PCSK5: variants seen among roughly 807,000 people sequenced by gnomAD.
PCSK5 encodes proprotein convertase subtilisin/kexin type 5.
PCSK5 carries 129 observed loss-of-function variants against 233.2 expected under a neutral mutation model. That is an observed-to-expected ratio of 0.55 (90% CI 0.48 to 0.64). PCSK5 has a LOEUF of 0.64. Among genes scored for constraint, PCSK5 ranks in the 30% least tolerant of loss-of-function variants. The probability of loss-of-function intolerance (pLI) is 0.00; values close to 1 mark genes in which losing one functional copy is unlikely to be tolerated. For synonymous variants in PCSK5, 825 were observed against 879.2 expected (o/e 0.94, Z 1.09); for missense variants, 2,076 against 2,430.1 (o/e 0.85, Z 3.06).
At chr9:76,251,658 G>GA (rs1248073935) in intron 24 of PCSK5, among the ~76,000 whole-genome samples, 2 of 151,694 alleles carry the variant, frequency 1.3e-5, no homozygotes, top group Non-Finnish European at 2.9e-5. Context: ...GTATAATACA[G>GA]TAACTGAATT....
intron 7 of PCSK5, among the ~76,000 whole-genome samples, chr9:76,075,735 T>C (rs1433083018): frequency 2.0e-5 from 3 of 152,228 alleles, no homozygotes; most frequent in Admixed American, 2.0e-4. Flanking sequence ...AAATAATTCC[T>C]TCAGTTAGCT....
Position 76,220,388 on chromosome 9 carries a change from G to C in PCSK5, c.2627-7115G>C, listed in dbSNP as rs141075721. Among the ~76,000 whole-genome samples the C allele has an allele frequency of 1.1e-4, 16 of 151,998 alleles. No individual in the cohort carries two copies. In the South Asian group the frequency reaches 2.5e-3, roughly 24 times the overall value. On this transcript the variant is annotated intron_variant, in intron 20 of 37. Transcript: ENST00000674117. ...CTAAAAATACAAAAATCAGCTGGGC[G>C]TGGTGGTGGGCGCCTGTAGTCCCAG... is the stretch of plus-strand genomic sequence containing the variant.
chr9:76,234,525 C>A (rs558608897), intron 22 of PCSK5, among the ~76,000 whole-genome samples: 1 of 152,108 alleles, frequency 6.6e-6, no homozygotes, highest in South Asian at 2.1e-4. Flanking sequence ...ATTGAGAGTA[C>A]CAGGCATTTG....
At chr9:75,959,882 T>C (rs191203104) in intron 2 of PCSK5, among the ~76,000 whole-genome samples, 3 of 152,350 alleles carry the variant, frequency 2.0e-5, no homozygotes, top group Non-Finnish European at 4.4e-5. Flanking sequence ...AGACAATAGC[T>C]GCCTGTTGAG....
chr9:75,920,429 A>G (rs962425560), intron 1 of PCSK5, among the ~76,000 whole-genome samples: 5 of 152,212 alleles, frequency 3.3e-5, no homozygotes, highest in Non-Finnish European at 7.4e-5. Flanking sequence ...GCTAGAATCT[A>G]TCACATACTT....
intron 11 of PCSK5, 56 bp from the exon 12 acceptor site, chr9:76,158,927 C>T (rs1232530679): frequency 6.2e-6 from 9 of 1,441,226 alleles, no homozygotes; most frequent in African/African-American, 1.4e-5. Flanking sequence ...TCCAGGTTCA[C>T]TCACCTGAGC....
At chr9:76,135,943 G>C (rs1030701840) in intron 10 of PCSK5, among the ~76,000 whole-genome samples, 1 of 152,040 alleles carries the variant, frequency 6.6e-6, no homozygotes, top group Non-Finnish European at 1.5e-5. Context: ...GTTTAGGAGA[G>C]GGGGAGACAG....
chr9:76,321,611 G>A lies in PCSK5; in HGVS notation c.4074G>A (p.Gln1358=). Residue 1358 remains glutamine, a synonymous_variant, in exon 31 of 38, where the codon CAG becomes CAA. Coordinates refer to ENST00000674117, the MANE Select transcript of PCSK5 (RefSeq NM_001372043.1). ...GVCKHCPEMC[Q]DCIHEKTCKE... ...GCAAGCATTGCCCAGAGATGTGTCAGGACTGCATCCATGAGAAAACATGCA... is the reference window on the plus strand; with the variant it reads ...GCAAGCATTGCCCAGAGATGTGTCAAGACTGCATCCATGAGAAAACATGCA... 1.2e-6 allele frequency: 2 copies of A among 1,612,098 alleles called. No homozygotes were observed. Among genetic ancestry groups the A allele is most frequent in the Non-Finnish European group, 1.7e-6 (2 of 1,179,292 alleles).
At chr9:76,297,809 G>A (rs1475271799) in intron 27 of PCSK5, among the ~76,000 whole-genome samples, 1 of 152,148 alleles carries the variant, frequency 6.6e-6, no homozygotes, top group Non-Finnish European at 1.5e-5. Flanking sequence ...GCTCGAGGGA[G>A]TGACAGCTCT....
At chr9:76,043,811 A>T (rs758311999) in intron 5 of PCSK5, among the ~76,000 whole-genome samples, 1 of 152,142 alleles carries the variant, frequency 6.6e-6, no homozygotes, top group Non-Finnish European at 1.5e-5. Flanking sequence ...GGCTCAAGCA[A>T]TCCACCGGTC....
chr9:75,969,734 C>T (rs984475612), intron 2 of PCSK5, among the ~76,000 whole-genome samples: 1 of 152,132 alleles, frequency 6.6e-6, no homozygotes, highest in Non-Finnish European at 1.5e-5. Context: ...GAGTATTTGA[C>T]ATGAATTAGC....
intron 20 of PCSK5, chr9:76,194,057 T>C (rs750270825): frequency 5.9e-5 from 9 of 152,372 alleles, no homozygotes; most frequent in African/African-American, 9.6e-5. Flanking sequence ...CCATTGTAGA[T>C]TGGGTTATTT....
chr9:76,068,077 G>A lies in PCSK5; in HGVS notation c.721+34G>A, dbSNP rs1307832054. ...AACCAACTCACGTGGATGTAGAAATGCGCCAGTTAGCTCTTTGGCTGACTG... is the reference window on the plus strand; with the variant it reads ...AACCAACTCACGTGGATGTAGAAATACGCCAGTTAGCTCTTTGGCTGACTG... On this transcript the variant is annotated intron_variant, in intron 6 of 37. Transcript: ENST00000674117. 6 of 1,441,972 alleles carry A rather than the reference G, an allele frequency of 4.2e-6. No individual in the cohort carries two copies. The African/African-American group carries it at 7.0e-5, about 17-fold the overall frequency. The allele number at this position is 1,441,972 out of a possible 1,614,324, so 89.3% of individuals were successfully genotyped here. A position where few individuals can be genotyped will look rare whatever the true frequency, so the allele number is the denominator to read the frequency against.
At chr9:76,301,574 G>A (rs1215474253) in intron 27 of PCSK5, among the ~76,000 whole-genome samples, 1 of 152,208 alleles carries the variant, frequency 6.6e-6, no homozygotes, top group Non-Finnish European at 1.5e-5. Context: ...TGGGCACGGT[G>A]GCTCATGCCT....
intron 35 of PCSK5, among the ~76,000 whole-genome samples, chr9:76,347,617 G>A (rs1197755023): frequency 1.3e-5 from 2 of 152,048 alleles, no homozygotes; most frequent in African/African-American, 2.4e-5. Context: ...TTGGCCAGGT[G>A]CAGTGGCTCA....
intron 9 of PCSK5, among the ~76,000 whole-genome samples, chr9:76,133,261 A>C (rs552307779): frequency 1.7e-4 from 26 of 152,238 alleles, no homozygotes; most frequent in Non-Finnish European, 3.4e-4. Context: ...GAATGAAATA[A>C]GTATCCTGAT....
chr9:76,334,899 G>A (rs1044887520), intron 34 of PCSK5, among the ~76,000 whole-genome samples: 3 of 152,164 alleles, frequency 2.0e-5, no homozygotes, highest in Non-Finnish European at 4.4e-5. Context: ...CCAACATGGT[G>A]AGACCCTGTC....
chr9:76,164,960 A>AT (rs1823032028), intron 12 of PCSK5, among the ~76,000 whole-genome samples: 1 of 152,012 alleles, frequency 6.6e-6, no homozygotes, highest in East Asian at 1.9e-4. Flanking sequence ...AAAACTTATC[A>AT]TTTTAGGTAT....
At chr9:76,120,093 A>T (rs1354186815) in intron 9 of PCSK5, among the ~76,000 whole-genome samples, 1 of 152,056 alleles carries the variant, frequency 6.6e-6, no homozygotes, top group Non-Finnish European at 1.5e-5. Context: ...AAGTTGAACC[A>T]ACTAGAGTTT....
Sources: allele counts gnomAD v4.1 joint callset (sites outside exome capture counted in the v4.1 genomes callset), GRCh38; gene constraint gnomAD v4.1.1; transcripts MANE v1.5; gene names NCBI Gene and HGNC (gene_info 2026-07-23, HGNC 2026-07-21).